Variants in OSBP2 observed in about 807,000 individuals in gnomAD.
OSBP2 encodes oxysterol binding protein 2.
In OSBP2, 66 loss-of-function variants were observed where a neutral mutation model predicts 96.0. The ratio of observed to expected loss-of-function variants is 0.69; its 90% CI spans 0.56 to 0.84. The LOEUF (loss-of-function observed/expected upper bound fraction) is 0.84, where lower values mean the gene tolerates loss of function less well. Ranked by LOEUF, OSBP2 falls within the 40% of genes least tolerant of loss-of-function variation. OSBP2 has a pLI of 0.00. For synonymous variants in OSBP2, 525 were observed against 520.9 expected (o/e 1.01, Z -0.11); for missense variants, 1,038 against 1,222.7 (o/e 0.85, Z 2.25).
chr22:30,791,781 A>G (rs1009059432), intron 2 of OSBP2, among the ~76,000 whole-genome samples: 10 of 152,286 alleles, frequency 6.6e-5, no homozygotes, highest in Admixed American at 4.6e-4. Context: ...GAGCTGCAAG[A>G]TAGGAAGGTC....
intron 5 of OSBP2, among the ~76,000 whole-genome samples, 158 bp downstream of exon 5, chr22:30,888,498 TAAG>T (rs1000579278): frequency 1.3e-5 from 2 of 152,046 alleles, no homozygotes; most frequent in African/African-American, 4.8e-5. Context: ...AGGCCAAGGG[TAAG>T]AAGATTGCTT....
Position 30,695,196 on chromosome 22 carries a change from A to G in OSBP2, c.287A>G (p.Gln96Arg). The G allele has an allele frequency of 6.2e-7, 1 of 1,612,698 alleles. No homozygotes were observed. The highest frequency in any genetic ancestry group is 8.5e-7 in the Non-Finnish European group (1 of 1,179,272). The change falls in exon 1 of 14, where the codon CAG (glutamine) becomes CGG (arginine). Residue 96 changes from glutamine to arginine, a missense_variant. Gln to Arg is a conservative substitution (Grantham distance 43, BLOSUM62 1). Coordinates refer to ENST00000332585, the MANE Select transcript of OSBP2 (RefSeq NM_030758.4). ...TCTGAGCCGGAGCCAGGGGCTGGGC[A>G]GCCATCGGAACTGCTGCAGGGGTCG... is the stretch of plus-strand genomic sequence containing the variant. Reference protein sequence around the residue: ...TTSEPEPGAGQPSELLQGSRP... With the variant: ...TTSEPEPGAGRPSELLQGSRP...
At chr22:30,702,093 C>G (rs1166967425) in intron 1 of OSBP2, among the ~76,000 whole-genome samples, 1 of 152,180 alleles carries the variant, frequency 6.6e-6, no homozygotes, top group African/African-American at 2.4e-5. Context: ...GTCATACTTG[C>G]TGCCTCTTCC....
intron 2 of OSBP2, among the ~76,000 whole-genome samples, chr22:30,786,261 G>A (rs1293911943): frequency 3.9e-5 from 6 of 152,144 alleles, no homozygotes; most frequent in African/African-American, 7.2e-5. Context: ...GACCTCCAGT[G>A]ATCCACCTGC....
intron 2 of OSBP2, among the ~76,000 whole-genome samples, chr22:30,752,507 G>A (rs1159388383): frequency 6.6e-6 from 1 of 151,602 alleles, no homozygotes; most frequent in African/African-American, 2.4e-5. Context: ...ACCCAGGATG[G>A]TCTCGATCTC....
At chr22:30,822,656 C>T (rs2038302669) in intron 2 of OSBP2, 3 of 1,533,654 alleles carry the variant, frequency 2.0e-6, no homozygotes, top group South Asian at 2.4e-5. Context: ...TGCTGGGACA[C>T]GGCCTCCGTG....
rs1193872236 is a variant in OSBP2, at chr22:30,695,431, T to C, written c.522T>C (p.Ser174=). 6.2e-7 allele frequency: 1 copy of C among 1,613,690 alleles called. No homozygotes were observed. Among genetic ancestry groups the C allele is most frequent in the Non-Finnish European group, 8.5e-7 (1 of 1,180,016 alleles). ...VPMSGTGTTS[S]APLALLPLDS... is the part of the protein sequence containing the mutation. ...TGTCGGGGACTGGCACGACCTCCAG[T>C]GCCCCACTGGCCTTACTGCCTCTGG... Residue 174 remains serine (S), a synonymous_variant, in exon 1 of 14, where the codon AGT becomes AGC. Coordinates refer to ENST00000332585, the MANE Select transcript of OSBP2 (RefSeq NM_030758.4).
chr22:30,872,538 G>A (rs1391904959), intron 3 of OSBP2: 2 of 366,474 alleles, frequency 5.5e-6, no homozygotes, highest in Non-Finnish European at 1.1e-5. Flanking sequence ...AACCCCCTGG[G>A]GTTGGTCACG....
In OSBP2 at chr22:30,870,790, C is replaced by A; in HGVS notation, c.1107+108C>A. On this transcript the variant is annotated intron_variant, in intron 3 of 13. Transcript: ENST00000332585. The surrounding 1 kb of genome is among the most constrained non-coding windows in gnomAD (Gnocchi z 4.1). ...TGAAGGGTCAGCGTTCCATTTCCTG[C>A]GGTTCCACGGTGTTTCCCAAAGCCA... is the stretch of plus-strand genomic sequence containing the variant. 5 of 1,179,332 alleles carry A rather than the reference C, an allele frequency of 4.2e-6. No individual in the cohort carries two copies. Among genetic ancestry groups the A allele is most frequent in the Non-Finnish European group, 5.9e-6 (5 of 840,352 alleles). The allele number at this position is 1,179,332 out of a possible 1,614,324, so 73.1% of individuals were successfully genotyped here.
intron 2 of OSBP2, among the ~76,000 whole-genome samples, chr22:30,816,805 C>T (rs780419967): frequency 2.0e-5 from 3 of 151,540 alleles, no homozygotes; most frequent in Non-Finnish European, 4.4e-5. Context: ...GGTGTGATCT[C>T]GGCTCACTGC....
intron 1 of OSBP2, among the ~76,000 whole-genome samples, chr22:30,709,954 C>T (rs1032812910): frequency 6.6e-6 from 1 of 151,888 alleles, no homozygotes. Flanking sequence ...GCAATCTCAG[C>T]GTACTGTAAT....
At chr22:30,811,791 G>A (rs2091011125) in intron 2 of OSBP2, among the ~76,000 whole-genome samples, 1 of 151,946 alleles carries the variant, frequency 6.6e-6, no homozygotes, top group African/African-American at 2.4e-5. Context: ...CTGACCTCAG[G>A]TGATCTGCCC....
At chr22:30,746,485 CT>C (rs34500140) in intron 2 of OSBP2, among the ~76,000 whole-genome samples, 63 of 101,542 alleles carry the variant, frequency 6.2e-4, no homozygotes, top group South Asian at 2.3e-3. Flanking sequence ...GGATGAAACA[CT>C]TTTTTTTTTT....
Position 30,870,519 on chromosome 22 carries a change from A to T in OSBP2, c.944A>T (p.Asp315Val). 1.2e-6 allele frequency: 2 copies of T among 1,613,938 alleles called. No individual in the cohort carries two copies. Among genetic ancestry groups the T allele is most frequent in the Non-Finnish European group, 1.7e-6 (2 of 1,179,984 alleles). ...TLKNLSLKLD[D>V]LSTCNDLIAK... ...AAGAATCTTTCCCTGAAGTTAGATG[A>T]CCTCAGCACGTGCAATGACCTCATC... The change falls in exon 3 of 14, where the codon GAC becomes GTC. Residue 315 changes from aspartate (D) to valine (V), a missense_variant. This residue lies in a region of OSBP2 where 737 missense variants were observed against 913.3 expected (regional missense o/e 0.81). Coordinates refer to ENST00000332585, the MANE Select transcript of OSBP2 (RefSeq NM_030758.4). This position sits in a 1 kb window ranked among gnomAD's most constrained non-coding sequence, Gnocchi z 4.1.
chr22:30,852,538 A>G (rs1023546794), intron 2 of OSBP2, among the ~76,000 whole-genome samples: 4 of 151,584 alleles, frequency 2.6e-5, no homozygotes, highest in Non-Finnish European at 5.9e-5. Flanking sequence ...TTATTTCTTG[A>G]CTGCCCTAGC....
At chr22:30,703,276 C>G (rs750634557) in intron 1 of OSBP2, among the ~76,000 whole-genome samples, 4 of 151,566 alleles carry the variant, frequency 2.6e-5, no homozygotes, top group African/African-American at 9.7e-5. Flanking sequence ...TGGGTTCAAG[C>G]GATTTTCCTG....
chr22:30,798,501 C>T (rs1454861330), intron 2 of OSBP2, among the ~76,000 whole-genome samples: 2 of 152,130 alleles, frequency 1.3e-5, no homozygotes, highest in South Asian at 2.1e-4. Flanking sequence ...TTGCCAATTC[C>T]AATGTTGTGA....
At chr22:30,707,117 A>T (rs2089267084) in intron 1 of OSBP2, among the ~76,000 whole-genome samples, 1 of 150,998 alleles carries the variant, frequency 6.6e-6, no homozygotes, top group Non-Finnish European at 1.5e-5. Context: ...TTTTTTTTTG[A>T]GACGGAGTCT....
intron 2 of OSBP2, among the ~76,000 whole-genome samples, chr22:30,793,238 A>T (rs929395225): frequency 2.0e-5 from 3 of 151,886 alleles, no homozygotes; most frequent in Admixed American, 6.6e-5. Flanking sequence ...AAAAATACAA[A>T]AACTAGCCAG....
Sources: allele counts gnomAD v4.1 joint callset (sites outside exome capture counted in the v4.1 genomes callset), GRCh38; gene constraint gnomAD v4.1.1; regional missense constraint gnomAD v4.1.1; non-coding constraint Gnocchi (gnomAD v3.1); transcripts MANE v1.5; gene names NCBI Gene and HGNC (gene_info 2026-07-23, HGNC 2026-07-21).